The following BRINP3 variants were observed in gnomAD, a reference collection of about 807,000 sequenced individuals.
BRINP3 encodes BMP/retinoic acid inducible neural specific 3.
In BRINP3, 19 loss-of-function variants were observed where a neutral mutation model predicts 71.0. That is an observed-to-expected ratio of 0.27 (90% CI 0.19 to 0.39). The LOEUF (loss-of-function observed/expected upper bound fraction) is 0.39, where lower values mean the gene tolerates loss of function less well. Among genes scored for constraint, BRINP3 ranks in the 10% least tolerant of loss-of-function variants. The probability of loss-of-function intolerance (pLI) is 1.00; values close to 1 mark genes in which losing one functional copy is unlikely to be tolerated. For synonymous variants in BRINP3, 380 were observed against 337.7 expected, an observed-to-expected ratio of 1.13 and a Z score of -1.37; for missense variants, 959 against 940.8, an observed-to-expected ratio of 1.02 and a Z score of -0.25.
At chr1:190,255,566 G>A (rs1427901634) in intron 4 of BRINP3, among the ~76,000 whole-genome samples, 1 of 152,142 alleles carries the variant, frequency 6.6e-6, no homozygotes, top group Non-Finnish European at 1.5e-5. Context: ...TAGTTTATTT[G>A]TGTAGAGGTG....
chr1:190,387,906 C>G (rs1454437644), intron 2 of BRINP3, among the ~76,000 whole-genome samples: 1 of 151,636 alleles, frequency 6.6e-6, no homozygotes, highest in African/African-American at 2.4e-5. Context: ...CCTTTGAATT[C>G]TAATAAATTT....
chr1:190,379,401 A>G (rs1670376629), intron 2 of BRINP3, among the ~76,000 whole-genome samples: 2 of 152,228 alleles, frequency 1.3e-5, no homozygotes, highest in South Asian at 2.1e-4. Context: ...TATGATCACA[A>G]AGTAATTACA....
intron 2 of BRINP3, among the ~76,000 whole-genome samples, chr1:190,397,661 T>C (rs534484740): frequency 6.6e-6 from 1 of 152,140 alleles, no homozygotes; most frequent in South Asian, 2.1e-4. Context: ...TCACCTGTCT[T>C]GTTGACCAAG....
intron 3 of BRINP3, among the ~76,000 whole-genome samples, chr1:190,266,316 C>T (rs1405397195): frequency 1.3e-5 from 2 of 152,070 alleles, no homozygotes; most frequent in African/African-American, 4.8e-5. Flanking sequence ...GGTGACAATC[C>T]AATCTTAAGT....
intron 2 of BRINP3, among the ~76,000 whole-genome samples, chr1:190,397,730 T>G (rs1343100025): frequency 6.6e-6 from 1 of 151,940 alleles, no homozygotes; most frequent in Non-Finnish European, 1.5e-5. Context: ...AGGGCATATT[T>G]GATTATGCAT....
intron 2 of BRINP3, among the ~76,000 whole-genome samples, chr1:190,305,745 CAT>C (rs1303196066): frequency 6.6e-6 from 1 of 151,452 alleles, no homozygotes; most frequent in Non-Finnish European, 1.5e-5. Flanking sequence ...TAAATATAAA[CAT>C]ATTTTGAAAT....
At chr1:190,331,682 G>T (rs573158300) in intron 2 of BRINP3, among the ~76,000 whole-genome samples, 1 of 152,034 alleles carries the variant, frequency 6.6e-6, no homozygotes, top group South Asian at 2.1e-4. Context: ...AGCAGAAATG[G>T]GATTATACAT....
intron 2 of BRINP3, among the ~76,000 whole-genome samples, chr1:190,288,758 T>A (rs1663627180): frequency 6.6e-6 from 1 of 151,924 alleles, no homozygotes; most frequent in Non-Finnish European, 1.5e-5. Flanking sequence ...TATTATTGAT[T>A]AAGGTAATGC....
chr1:190,410,061 T>C (rs1437790315), intron 2 of BRINP3, among the ~76,000 whole-genome samples: 1 of 152,200 alleles, frequency 6.6e-6, no homozygotes, highest in Non-Finnish European at 1.5e-5. Flanking sequence ...ATTTTACTTC[T>C]TTCTTTATTT....
At chr1:190,449,068 T>C (rs911393239) in intron 2 of BRINP3, among the ~76,000 whole-genome samples, 2 of 152,020 alleles carry the variant, frequency 1.3e-5, no homozygotes, top group Admixed American at 1.3e-4. Flanking sequence ...TAAACCTGGG[T>C]CACTTAAACT....
chr1:190,212,766 A>C (rs978941992), intron 6 of BRINP3, among the ~76,000 whole-genome samples: 1 of 152,100 alleles, frequency 6.6e-6, no homozygotes, highest in Non-Finnish European at 1.5e-5. Flanking sequence ...CATTGCCTCC[A>C]TTACCAAATC....
At position 190,354,771 on chromosome 1, in the gene BRINP3, G is replaced by GTT. The variant is rs76406699; in HGVS notation, c.237-73023_237-73022dup. 3.5e-4 allele frequency among the ~76,000 whole-genome samples: 43 copies of GTT among 124,216 alleles called. No homozygotes were observed. In the South Asian group the frequency reaches 6.0e-3, roughly 17 times the overall value. The allele number at this position is 124,216 out of a possible 152,430, so 81.5% of individuals were successfully genotyped here. A position where few individuals can be genotyped will look rare whatever the true frequency, so the allele number is the denominator to read the frequency against. ...CCGTCTCTTAAAAGGTCTTCTAAGT[G>GTT]TTTTTTTTTTTTTTTCCTATTTAAA... On this transcript the variant is annotated intron_variant, in intron 2 of 7. Coordinates refer to ENST00000367462, the MANE Select transcript of BRINP3 (RefSeq NM_199051.3).
At chr1:190,154,025 G>A (rs1656651872) in intron 7 of BRINP3, 1 of 888,742 alleles carries the variant, frequency 1.1e-6, no homozygotes, top group Non-Finnish European at 1.3e-6. Flanking sequence ...CTTATATGGT[G>A]GCCTCAAAGA....
intron 7 of BRINP3, among the ~76,000 whole-genome samples, chr1:190,142,456 C>G (rs1400867184): frequency 6.6e-6 from 1 of 152,042 alleles, no homozygotes; most frequent in Non-Finnish European, 1.5e-5. Context: ...TGCTTTTGCG[C>G]TGGCATTGGA....
At chr1:190,333,111 C>A (rs1467172154) in intron 2 of BRINP3, among the ~76,000 whole-genome samples, 4 of 151,816 alleles carry the variant, frequency 2.6e-5, no homozygotes, top group Admixed American at 2.6e-4. Context: ...ATACCTGACC[C>A]AACACTAATT....
At chr1:190,406,192 A>T (rs1463512395) in intron 2 of BRINP3, among the ~76,000 whole-genome samples, 1 of 152,212 alleles carries the variant, frequency 6.6e-6, no homozygotes, top group Non-Finnish European at 1.5e-5. Context: ...GTTACAGGAT[A>T]ATGGATATAC....
At chr1:190,277,497 C>T (rs906655221) in intron 3 of BRINP3, among the ~76,000 whole-genome samples, 2 of 151,580 alleles carry the variant, frequency 1.3e-5, no homozygotes, top group African/African-American at 2.4e-5. Flanking sequence ...ACATTTAATA[C>T]ATTTTTAATG....
At chr1:190,355,783 G>A (rs1668688754) in intron 2 of BRINP3, among the ~76,000 whole-genome samples, 1 of 151,834 alleles carries the variant, frequency 6.6e-6, no homozygotes, top group African/African-American at 2.4e-5. Context: ...TTTATTTGCT[G>A]CTCCTCCTGC....
intron 2 of BRINP3, among the ~76,000 whole-genome samples, chr1:190,417,559 TTTG>T (rs2102441291): frequency 6.6e-6 from 1 of 152,272 alleles, no homozygotes; most frequent in South Asian, 2.1e-4. Flanking sequence ...TAAATATGTC[TTTG>T]TTATTTTGAT....
Sources: gnomAD v4.1 joint callset for allele counts (sites outside exome capture counted in the v4.1 genomes callset) on GRCh38, gnomAD v4.1.1 for gene constraint, MANE v1.5 for transcripts, NCBI Gene and HGNC (gene_info 2026-07-23, HGNC 2026-07-21) for gene names.